Variants in NPFFR2 observed in about 807,000 individuals in gnomAD.
The protein encoded by NPFFR2 is G-protein coupled receptor 74.
A neutral mutation model predicts 13.1 loss-of-function variants in NPFFR2; 15 were observed. The ratio of observed to expected loss-of-function variants is 1.15; its 90% CI spans 0.77 to 1.76. NPFFR2 has a LOEUF of 1.76. NPFFR2 is among the 40% of genes most tolerant of loss of function. The probability of loss-of-function intolerance (pLI) is 0.00; values close to 1 mark genes in which losing one functional copy is unlikely to be tolerated. For synonymous variants in NPFFR2, 190 were observed against 175.7 expected (o/e 1.08, Z -0.65); for missense variants, 572 against 503.5 (o/e 1.14, Z -1.30).
chr4:72,120,340 T>A (rs200907115), intron 1 of NPFFR2, among the ~76,000 whole-genome samples: 5 of 151,916 alleles, frequency 3.3e-5, no homozygotes, highest in Admixed American at 6.6e-5. Context: ...TCAACAAACT[T>A]AAACATTCCT....
At chr4:72,124,601 G>A (rs574646014) in intron 1 of NPFFR2, among the ~76,000 whole-genome samples, 5 of 152,060 alleles carry the variant, frequency 3.3e-5, no homozygotes, top group Non-Finnish European at 5.9e-5. Context: ...ACAGAATAGA[G>A]GCCTCAGAAA....
intron 1 of NPFFR2, among the ~76,000 whole-genome samples, chr4:72,047,805 C>T (rs895764468): frequency 6.6e-6 from 1 of 152,122 alleles, no homozygotes; most frequent in Admixed American, 6.6e-5. Flanking sequence ...CTTCTTTCCA[C>T]TCATCTGAAT....
At chr4:72,055,947 G>A (rs1719731549) in intron 1 of NPFFR2, among the ~76,000 whole-genome samples, 1 of 151,928 alleles carries the variant, frequency 6.6e-6, no homozygotes, top group East Asian at 1.9e-4. Context: ...GCTAGCAGAG[G>A]TTGGTTCATG....
intron 1 of NPFFR2, among the ~76,000 whole-genome samples, chr4:72,081,024 C>T (rs1189749804): frequency 7.9e-5 from 12 of 152,142 alleles, no homozygotes; most frequent in Admixed American, 7.9e-4. Context: ...TGCTTGTCTA[C>T]TCAGATGTCA....
chr4:72,044,031 C>T (rs1719308395), intron 1 of NPFFR2, among the ~76,000 whole-genome samples: 1 of 152,172 alleles, frequency 6.6e-6, no homozygotes, highest in South Asian at 2.1e-4. Flanking sequence ...ATGCTGTTCA[C>T]ATGATAGTGA....
chr4:72,040,013 ATAT>A (rs1269837118), intron 1 of NPFFR2, among the ~76,000 whole-genome samples: 1 of 152,096 alleles, frequency 6.6e-6, no homozygotes, highest in Non-Finnish European at 1.5e-5. Context: ...TCATTTATTA[ATAT>A]TCTTGCTCAT....
intron 1 of NPFFR2, among the ~76,000 whole-genome samples, chr4:72,064,657 G>A (rs1229296419): frequency 1.3e-5 from 2 of 152,186 alleles, no homozygotes; most frequent in Admixed American, 6.5e-5. Flanking sequence ...GTCCCCAAAA[G>A]ATGGTAAAAG....
In NPFFR2 at chr4:72,147,507, T is replaced by A. The variant is rs772226360; in HGVS notation, c.958T>A (p.Trp320Arg). 6.2e-7 allele frequency: 1 copy of A among 1,614,220 alleles called. No individual in the cohort carries two copies. The highest frequency in any genetic ancestry group is 2.2e-5 in the East Asian group (1 of 44,880). Residue 320 changes from tryptophan (W) to arginine (R), a missense_variant, in exon 4 of 4, where the codon TGG becomes AGG. By Grantham distance (101) the Trp-to-Arg change is moderately radical (BLOSUM62 -3). Coordinates refer to ENST00000308744, the MANE Select transcript of NPFFR2 (RefSeq NM_004885.3). ...INIYIYPFAHWLAFGNSSVNP... is the reference protein window; with the variant it reads ...INIYIYPFAHRLAFGNSSVNP... Reference sequence around the variant, plus strand: ...CATCTACATCTACCCTTTTGCACACTGGCTGGCATTCGGCAACAGCAGTGT... The same window carrying A: ...CATCTACATCTACCCTTTTGCACACAGGCTGGCATTCGGCAACAGCAGTGT...
At chr4:72,119,488 A>G (rs1011258633) in intron 1 of NPFFR2, among the ~76,000 whole-genome samples, 3 of 152,156 alleles carry the variant, frequency 2.0e-5, no homozygotes, top group African/African-American at 7.2e-5. Flanking sequence ...TGTAGCTGGC[A>G]AGATGGCCTA....
chr4:72,125,872 C>T (rs983360059), intron 1 of NPFFR2, among the ~76,000 whole-genome samples: 5 of 152,166 alleles, frequency 3.3e-5, no homozygotes, highest in Non-Finnish European at 5.9e-5. Flanking sequence ...GTAACCTAAC[C>T]TATTCAGAAG....
intron 1 of NPFFR2, among the ~76,000 whole-genome samples, chr4:72,106,539 AAAAGT>A (rs1418013449): frequency 6.6e-6 from 1 of 152,018 alleles, no homozygotes; most frequent in Non-Finnish European, 1.5e-5. Context: ...TAACACTCAG[AAAAGT>A]AAGGGTCAGC....
chr4:72,141,197 T>TA (rs893610366), intron 3 of NPFFR2, among the ~76,000 whole-genome samples: 19 of 151,506 alleles, frequency 1.3e-4, no homozygotes, highest in Admixed American at 4.6e-4. Context: ...TGTTGATCTT[T>TA]AAAAAAAAAC....
At chr4:72,087,160 G>T (rs1033751821) in intron 1 of NPFFR2, among the ~76,000 whole-genome samples, 3 of 151,990 alleles carry the variant, frequency 2.0e-5, no homozygotes, top group African/African-American at 4.8e-5. Context: ...TGCCTTGAAG[G>T]TACATGCCAG....
At chr4:72,124,860 G>A (rs1018611726) in intron 1 of NPFFR2, among the ~76,000 whole-genome samples, 1 of 151,942 alleles carries the variant, frequency 6.6e-6, no homozygotes, top group African/African-American at 2.4e-5. Flanking sequence ...ACATAGGCAT[G>A]GGCAAGGACT....
At chr4:72,081,086 T>C (rs1010681730) in intron 1 of NPFFR2, among the ~76,000 whole-genome samples, 3 of 152,210 alleles carry the variant, frequency 2.0e-5, no homozygotes, top group Admixed American at 2.0e-4. Context: ...GACTGTTTAA[T>C]GACTTTATCT....
intron 1 of NPFFR2, among the ~76,000 whole-genome samples, chr4:72,094,520 C>A (rs932500873): frequency 6.6e-6 from 1 of 152,172 alleles, no homozygotes; most frequent in Admixed American, 6.5e-5. Flanking sequence ...GGGCTTGCTG[C>A]AGCTGCTGTG....
chr4:72,033,339 A>G (rs1044970885), intron 1 of NPFFR2, among the ~76,000 whole-genome samples: 1 of 152,214 alleles, frequency 6.6e-6, no homozygotes, highest in African/African-American at 2.4e-5. Context: ...AAAAACTTCT[A>G]TAGATCGATC....
intron 1 of NPFFR2, among the ~76,000 whole-genome samples, chr4:72,081,306 G>C (rs1720612010): frequency 6.6e-6 from 1 of 152,060 alleles, no homozygotes; most frequent in South Asian, 2.1e-4. Context: ...AAGCCTTCGG[G>C]CCTGCAAACC....
At chr4:72,136,210 A>G (rs899668358) in intron 2 of NPFFR2, among the ~76,000 whole-genome samples, 1 of 152,060 alleles carries the variant, frequency 6.6e-6, no homozygotes, top group African/African-American at 2.4e-5. Flanking sequence ...TTTTTTTAAA[A>G]TAACTGGTGT....
Sources: gnomAD v4.1 joint callset for allele counts (sites outside exome capture counted in the v4.1 genomes callset) on GRCh38, gnomAD v4.1.1 for gene constraint, MANE v1.5 for transcripts, NCBI Gene and HGNC (gene_info 2026-07-23, HGNC 2026-07-21) for gene names.